The following SSPN variants were observed in gnomAD, a reference collection of about 807,000 sequenced individuals.
The protein encoded by SSPN is K-ras oncogene-associated protein.
In SSPN, 15 loss-of-function variants were observed where a neutral mutation model predicts 19.1. The ratio of observed to expected loss-of-function variants is 0.78; its 90% CI spans 0.52 to 1.21. The LOEUF is 1.21. SSPN is among the 50% of genes most tolerant of loss of function. The pLI is 0.00. For missense variants in SSPN, 291 were observed against 314.0 expected (o/e 0.93, Z 0.55); for synonymous variants, 147 against 140.3 (o/e 1.05, Z -0.34).
chr12:26,167,493 C>T (rs1165772090), intron 1 of SSPN, among the ~76,000 whole-genome samples: 1 of 152,140 alleles, frequency 6.6e-6, no homozygotes, highest in Non-Finnish European at 1.5e-5. Flanking sequence ...TCCTCCTTTA[C>T]AACATTTATC....
intron 1 of SSPN, among the ~76,000 whole-genome samples, chr12:26,178,989 T>C (rs962824572): frequency 3.3e-5 from 5 of 151,950 alleles, no homozygotes; most frequent in African/African-American, 9.7e-5. Flanking sequence ...CAGCTTACAG[T>C]GTAGGAGGGA....
At chr12:26,227,664 A>G (rs140957547) in intron 2 of SSPN, among the ~76,000 whole-genome samples, 3 of 152,344 alleles carry the variant, frequency 2.0e-5, no homozygotes, top group African/African-American at 4.8e-5. Flanking sequence ...ATACTTAAAT[A>G]GGCTCCTGTA....
chr12:26,161,299 T>C (rs998145135), intron 1 of SSPN, among the ~76,000 whole-genome samples: 2 of 152,042 alleles, frequency 1.3e-5, no homozygotes, highest in Admixed American at 6.6e-5. Flanking sequence ...CACTCCATTC[T>C]ACCCATATGG....
At chr12:26,214,437 A>G (rs1945025118) in intron 1 of SSPN, among the ~76,000 whole-genome samples, 1 of 152,214 alleles carries the variant, frequency 6.6e-6, no homozygotes, top group Admixed American at 6.5e-5. Context: ...ATTCTGTGAT[A>G]TACAGTATAT....
chr12:26,151,457 T>C (rs557843752), intron 1 of SSPN, among the ~76,000 whole-genome samples: 12 of 152,310 alleles, frequency 7.9e-5, no homozygotes, highest in African/African-American at 2.2e-4. Flanking sequence ...AAATCCTCAA[T>C]TGGGTCCTAA....
chr12:26,198,840 A>G (rs1298584885), intron 1 of SSPN, among the ~76,000 whole-genome samples: 1 of 152,142 alleles, frequency 6.6e-6, no homozygotes, highest in African/African-American at 2.4e-5. Flanking sequence ...TGGGATATGC[A>G]GTGATTCAGG....
chr12:26,185,383 C>A lies in SSPN; in HGVS notation c.-30-38910C>A, dbSNP rs189651713. On this transcript the variant is annotated intron_variant, in intron 1 of 2. Coordinates refer to the SSPN transcript ENST00000538142. ...GCAAATGATTGACAGGCATGGGATT[C>A]CTAAACTCTGGCCAGACTTTGCTTC... 3.3e-3 allele frequency among the ~76,000 whole-genome samples: 504 copies of A among 152,246 alleles called. 3 individuals carry two copies. The highest frequency in any genetic ancestry group is 0.012 in the African/African-American group (480 of 41,540).
chr12:26,220,228 C>T (rs898092568), intron 1 of SSPN, among the ~76,000 whole-genome samples: 1 of 111,686 alleles, frequency 9.0e-6, no homozygotes, highest in South Asian at 3.0e-4. Context: ...AGTCTTGTTA[C>T]AACATGCAAA....
intron 1 of SSPN, among the ~76,000 whole-genome samples, chr12:26,222,731 A>G (rs1380290831): frequency 6.6e-6 from 1 of 152,232 alleles, no homozygotes; most frequent in Admixed American, 6.5e-5. Context: ...CTAGTTCTAA[A>G]AAGTCTAGTT....
At chr12:26,188,159 A>T (rs1287716497) in intron 1 of SSPN, among the ~76,000 whole-genome samples, 1 of 152,214 alleles carries the variant, frequency 6.6e-6, no homozygotes, top group Non-Finnish European at 1.5e-5. Flanking sequence ...AGGTTAAGGA[A>T]CATGTCCACA....
intron 1 of SSPN, chr12:26,123,802 T>C (rs1218217479): frequency 1.2e-5 from 13 of 1,104,074 alleles, no homozygotes; most frequent in Middle Eastern, 3.9e-4. Flanking sequence ...TTTGGCTTAA[T>C]TGGCTGTCCA....
chr12:26,123,661 T>G, intron 1 of SSPN: 4 of 1,613,938 alleles, frequency 2.5e-6, no homozygotes, highest in Non-Finnish European at 3.4e-6. Flanking sequence ...TCTGATGCTG[T>G]TGCTCGGTTA....
intron 1 of SSPN, among the ~76,000 whole-genome samples, chr12:26,167,393 C>T (rs1025009912): frequency 6.6e-6 from 1 of 152,128 alleles, no homozygotes; most frequent in Non-Finnish European, 1.5e-5. Flanking sequence ...CAATAAGCAG[C>T]TCTCTATAAG....
At chr12:26,163,843 A>G (rs1203437267) in intron 1 of SSPN, among the ~76,000 whole-genome samples, 1 of 152,260 alleles carries the variant, frequency 6.6e-6, no homozygotes, top group South Asian at 2.1e-4. Context: ...TTACAAATCA[A>G]TAACATTATG....
intron 1 of SSPN, among the ~76,000 whole-genome samples, chr12:26,223,770 A>G (rs1945147778): frequency 6.6e-6 from 1 of 152,232 alleles, no homozygotes; most frequent in Non-Finnish European, 1.5e-5. Flanking sequence ...AATACAATAT[A>G]AAGCCCTTAG....
chr12:26,200,836 A>G (rs1169722831), intron 1 of SSPN, among the ~76,000 whole-genome samples: 13 of 151,600 alleles, frequency 8.6e-5, no homozygotes, highest in Admixed American at 8.6e-4. Context: ...TATTATGGCA[A>G]CTGCCACAGG....
intron 1 of SSPN, among the ~76,000 whole-genome samples, chr12:26,186,720 T>C (rs920027897): frequency 1.3e-5 from 2 of 152,320 alleles, no homozygotes; most frequent in African/African-American, 2.4e-5. Context: ...TTTTAAGAGA[T>C]AGAAATAACT....
At position 26,231,865 on chromosome 12, in the gene SSPN, T is replaced by G. The variant is rs949909630; in HGVS notation, c.*789T>G. On this transcript the variant is annotated 3_prime_UTR_variant, in exon 3 of 3. Transcript: ENST00000242729. ...CAAATCATTAAAACTAATTTCTAGCTAATTGTTAATTATAATTATGCTCAG... is the reference window on the plus strand; with the variant it reads ...CAAATCATTAAAACTAATTTCTAGCGAATTGTTAATTATAATTATGCTCAG... 22 of 848,178 alleles carry G rather than the reference T, an allele frequency of 2.6e-5. No homozygotes were observed. The African/African-American group carries it at 4.0e-4, about 16-fold the overall frequency. 52.5% of individuals were successfully genotyped at this position (848,178 alleles called of 1,614,324 possible). A position where few individuals can be genotyped will look rare whatever the true frequency, so the allele number is the denominator to read the frequency against.
At chr12:26,122,119 G>T (rs1378450691) in exon 1 of SSPN, 2 of 1,549,418 alleles carry the variant, frequency 1.3e-6, no homozygotes, top group South Asian at 2.4e-5. Flanking sequence ...GAGCTCTCCG[G>T]GTTCCCCGGC....
Sources: allele counts gnomAD v4.1 joint callset (sites outside exome capture counted in the v4.1 genomes callset), GRCh38; gene constraint gnomAD v4.1.1; transcripts MANE v1.5; gene names NCBI Gene and HGNC (gene_info 2026-07-23, HGNC 2026-07-21).